Variants in MARCO observed in about 807,000 individuals in gnomAD.
The protein encoded by MARCO is macrophage receptor with collagenous structure, also known as macrophage receptor MARCO.
MARCO carries 72 observed loss-of-function variants against 70.0 expected under a neutral mutation model. The observed-to-expected ratio is 1.03, with a 90% CI of 0.85 to 1.25. The LOEUF (loss-of-function observed/expected upper bound fraction) is 1.25. Ranked by LOEUF, MARCO falls within the 50% of genes most tolerant of loss-of-function variation. The probability of loss-of-function intolerance (pLI) is 0.00; values close to 1 mark genes in which losing one functional copy is unlikely to be tolerated. For missense variants in MARCO, 696 were observed against 659.3 expected, an observed-to-expected ratio of 1.06 and a Z score of -0.61; for synonymous variants, 273 against 243.1, an observed-to-expected ratio of 1.12 and a Z score of -1.14.
chr2:118,993,060 C>A, intron 15 of MARCO, 64 bp from the exon 16 acceptor site: 1 of 1,394,210 alleles, frequency 7.2e-7, no homozygotes, highest in South Asian at 1.2e-5. Context: ...AAAGAAAGAG[C>A]CCGCACTTAC....
intron 12 of MARCO, among the ~76,000 whole-genome samples, chr2:118,986,729 A>AGAAAGAAAGAAAGAAAGAAAGAAAGG: frequency 7.9e-6 from 1 of 126,194 alleles, no homozygotes; most frequent in African/African-American, 3.5e-5. Context: ...AAGAAAAGAA[A>AGAAAGAAAGAAAGAAAGAAAGAAAGG]GAAAGAAAGA....
chr2:118,982,223 G>A lies in MARCO; in HGVS notation c.969G>A (p.Glu323=), dbSNP rs79247155. 1,790 of 1,613,260 alleles carry A rather than the reference G, an allele frequency of 1.1e-3. 16 individuals carry two copies. In the African/African-American group the frequency reaches 0.021, roughly 18 times the overall value. ...TGGGACACCCAGGTGCCAAGGGTGA[G>A]CCTGGCAGTGCTGGCTCCCCTGGGC... ...GAVGHPGAKG[E]PGSAGSPGRA... is the part of the protein sequence containing the mutation. The change falls in exon 11 of 17, where the codon GAG becomes GAA. Residue 323 remains glutamate (E), a synonymous_variant. Transcript: ENST00000327097.
At chr2:118,994,280 A>G (rs1396191436) in intron 16 of MARCO, 107 bp from the exon 17 acceptor site, 2 of 1,218,086 alleles carry the variant, frequency 1.6e-6, no homozygotes, top group Admixed American at 3.5e-5. Context: ...ATGAGTGAGA[A>G]GTCGGCAGTC....
chr2:118,974,255 C>A, intron 4 of MARCO, 78 bp from the exon 5 acceptor site: 1 of 850,500 alleles, frequency 1.2e-6, no homozygotes, highest in Non-Finnish European at 1.9e-6. Context: ...TTGAATGAAT[C>A]ACCATGTAAG....
intron 1 of MARCO, among the ~76,000 whole-genome samples, chr2:118,962,282 G>A (rs1313179571): frequency 1.3e-5 from 2 of 152,152 alleles, no homozygotes; most frequent in African/African-American, 2.4e-5. Flanking sequence ...AATGGGAAAT[G>A]TGTTGAATCT....
At chr2:118,978,129 T>C (rs188326295) in intron 8 of MARCO, among the ~76,000 whole-genome samples, 194 bp downstream of exon 8, 33 of 152,248 alleles carry the variant, frequency 2.2e-4, no homozygotes, top group Middle Eastern at 3.4e-3. Context: ...GGGAGAACAA[T>C]GTCATTCCAG....
At chr2:118,962,975 G>A (rs904509568) in intron 1 of MARCO, among the ~76,000 whole-genome samples, 3 of 151,864 alleles carry the variant, frequency 2.0e-5, no homozygotes, top group African/African-American at 4.8e-5. Context: ...TTGGCTATCC[G>A]TGTCTTCTTT....
chr2:118,988,664 C>A (rs929616064), intron 12 of MARCO, among the ~76,000 whole-genome samples: 3 of 152,122 alleles, frequency 2.0e-5, no homozygotes, highest in Admixed American at 1.3e-4. Flanking sequence ...AGAATGTGAT[C>A]TTTCGCCCAA....
chr2:118,962,815 T>C (rs1335270753), intron 1 of MARCO, among the ~76,000 whole-genome samples: 1 of 152,122 alleles, frequency 6.6e-6, no homozygotes, highest in Non-Finnish European at 1.5e-5. Flanking sequence ...ATTATCTATT[T>C]CACCTTGGCT....
chr2:118,949,904 G>A (rs1437749610), intron 1 of MARCO: 2 of 152,166 alleles, frequency 1.3e-5, no homozygotes, highest in Admixed American at 6.5e-5. Flanking sequence ...CTCCAAGGGC[G>A]GCATCTGTGC....
intron 12 of MARCO, among the ~76,000 whole-genome samples, chr2:118,983,673 A>G (rs1680434830): frequency 6.6e-6 from 1 of 151,972 alleles, no homozygotes; most frequent in African/African-American, 2.4e-5. Context: ...TTATAATTCC[A>G]TCTTCTCTGG....
Position 118,970,137 on chromosome 2 carries a change from C to T in MARCO, c.223C>T (p.Arg75Trp), listed in dbSNP as rs866552930. ...AGTTCTGAATCTGCAGGCGCGGCTC[C>T]GGGTCCTGGAGATGTATTTCCTCAA... ...VQVLNLQARL[R>W]VLEMYFLNDT... Residue 75 changes from arginine (R) to tryptophan (W), a missense_variant, in exon 3 of 17, where the codon CGG becomes TGG. Arg to Trp is a moderately radical substitution (Grantham distance 101, BLOSUM62 -3). This residue lies in a region of MARCO where 605 missense variants were observed against 537.6 expected (regional missense o/e 1.13). Transcript: ENST00000327097. The T allele has an allele frequency of 6.2e-6, 10 of 1,614,068 alleles. No homozygotes were observed. The highest frequency in any genetic ancestry group is 3.3e-5 in the South Asian group (3 of 91,064).
chr2:118,977,507 G>T lies in MARCO; in HGVS notation c.650G>T (p.Gly217Val). 1 of 1,613,910 alleles carries T rather than the reference G, an allele frequency of 6.2e-7. No individual in the cohort carries two copies. The highest frequency in any genetic ancestry group is 8.5e-7 in the Non-Finnish European group (1 of 1,179,930). ...QGPQGAPGKQ[G>V]ATGTPGPQGE... ...CCCCAGGGTGCTCCAGGGAAGCAAG[G>T]AGCCACTGGTAACTTGTACTTGCTC... Residue 217 changes from glycine (G) to valine (V), a missense_variant, in exon 7 of 17, where the codon GGA (glycine) becomes GTA (valine). Physicochemically the swap from Gly to Val is moderately radical, Grantham distance 109. Transcript: ENST00000327097.
At position 118,994,650 on chromosome 2, in the gene MARCO, A is replaced by G; in HGVS notation, c.*130A>G. ...GGAGAGGGGCCATTAATAAAGCTCA[A>G]CATCATTGGCTGTGGCTGAGTGTCA... On this transcript the variant is annotated 3_prime_UTR_variant, in exon 17 of 17. Coordinates refer to ENST00000327097, the MANE Select transcript of MARCO (RefSeq NM_006770.4). The G allele has an allele frequency of 1.2e-6, 1 of 861,098 alleles. No homozygotes were observed. Among genetic ancestry groups the G allele is most frequent in the African/African-American group, 1.7e-5 (1 of 58,902 alleles). 53.3% of individuals were successfully genotyped at this position (861,098 alleles called of 1,614,324 possible). A position where few individuals can be genotyped will look rare whatever the true frequency, so the allele number is the denominator to read the frequency against.
chr2:118,947,644 A>G (rs1679628448), intron 1 of MARCO, among the ~76,000 whole-genome samples: 1 of 152,208 alleles, frequency 6.6e-6, no homozygotes, highest in South Asian at 2.1e-4. Context: ...CAACTTGGGT[A>G]AATTTGTGTG....
In MARCO at chr2:118,977,789, G is replaced by T. The variant is rs376253146; in HGVS notation, c.659-39G>T. 6.0e-6 allele frequency: 9 copies of T among 1,505,708 alleles called. No homozygotes were observed. In the African/African-American group the frequency reaches 9.7e-5, roughly 16 times the overall value. The allele number at this position is 1,505,708 out of a possible 1,614,324, so 93.3% of individuals were successfully genotyped here. On this transcript the variant is annotated intron_variant, in intron 7 of 16. Transcript: ENST00000327097. ...GCCTCTGGTAGCCTGTCCCCAAAAG[G>T]ATAGTGGGAGCCCATCTCACCAGCC...
intron 12 of MARCO, among the ~76,000 whole-genome samples, chr2:118,982,965 T>C (rs946851190): frequency 6.6e-6 from 1 of 152,244 alleles, no homozygotes; most frequent in African/African-American, 2.4e-5. Flanking sequence ...TAGTCTACTT[T>C]ATAAGCCGTT....
chr2:118,950,699 AGT>A (rs1679705866), intron 1 of MARCO, among the ~76,000 whole-genome samples: 1 of 152,182 alleles, frequency 6.6e-6, no homozygotes, highest in South Asian at 2.1e-4. Flanking sequence ...CAACTTTCTG[AGT>A]TGTTGCTAAC....
intron 1 of MARCO, chr2:118,949,529 A>G (rs1185499456): frequency 1.3e-5 from 2 of 152,234 alleles, no homozygotes; most frequent in Non-Finnish European, 1.5e-5. Context: ...AGAAGCCTAT[A>G]GGATCCTTTC....
Sources: gnomAD v4.1 joint callset for allele counts (sites outside exome capture counted in the v4.1 genomes callset) on GRCh38, gnomAD v4.1.1 for gene constraint, gnomAD v4.1.1 regional missense constraint, MANE v1.5 for transcripts, NCBI Gene and HGNC (gene_info 2026-07-23, HGNC 2026-07-21) for gene names.